NKD1: variants seen among roughly 807,000 people sequenced by gnomAD.
NKD1 encodes NKD inhibitor of Wnt signaling pathway 1, also known as protein naked cuticle homolog 1.
In NKD1, 21 loss-of-function variants were observed where a neutral mutation model predicts 56.0. That is an observed-to-expected ratio of 0.38 (90% CI 0.27 to 0.54). The LOEUF is 0.54. Among genes scored for constraint, NKD1 ranks in the 20% least tolerant of loss-of-function variants. The pLI is 0.82. For missense variants in NKD1, 578 were observed against 642.7 expected, an observed-to-expected ratio of 0.90 and a Z score of 1.09; for synonymous variants, 263 against 265.7, an observed-to-expected ratio of 0.99 and a Z score of 0.10.
At chr16:50,568,514 T>A (rs1596710978) in intron 3 of NKD1, among the ~76,000 whole-genome samples, 1 of 152,212 alleles carries the variant, frequency 6.6e-6, no homozygotes, top group African/African-American at 2.4e-5. Context: ...TGTCAAGCGC[T>A]TCCTCATTTA....
chr16:50,612,867 C>T (rs1961877682), intron 4 of NKD1, among the ~76,000 whole-genome samples: 1 of 152,146 alleles, frequency 6.6e-6, no homozygotes. Flanking sequence ...TGGATTCTGA[C>T]CTCTGTTTTA....
At chr16:50,608,131 A>G (rs1961755236) in intron 3 of NKD1, 163 bp from the exon 4 acceptor site, 2 of 659,946 alleles carry the variant, frequency 3.0e-6, no homozygotes, top group South Asian at 3.3e-5. Context: ...GGCAGGAGGG[A>G]CCCACCTTGG....
chr16:50,549,598 G>T, intron 3 of NKD1, 43 bp downstream of exon 3: 1 of 1,516,280 alleles, frequency 6.6e-7, no homozygotes. Flanking sequence ...CCTCCTTTCA[G>T]CCTCAGAGAT....
chr16:50,555,764 A>C (rs570441100), intron 3 of NKD1: 2 of 152,162 alleles, frequency 1.3e-5, no homozygotes, highest in Non-Finnish European at 2.9e-5. Flanking sequence ...CTGCAGCCCC[A>C]TGGCTGCGAA....
chr16:50,608,017 G>A, intron 3 of NKD1: 2 of 445,248 alleles, frequency 4.5e-6, no homozygotes, highest in South Asian at 5.1e-5. Context: ...GTTTCCGGAA[G>A]GCATGTGTGT....
At chr16:50,572,758 C>T (rs112891141) in intron 3 of NKD1, among the ~76,000 whole-genome samples, 291 of 152,226 alleles carry the variant, frequency 1.9e-3, no homozygotes, top group African/African-American at 6.4e-3. Context: ...GCACGGTGTC[C>T]GGGCTTGAGC....
chr16:50,591,818 G>A (rs1219706039), intron 3 of NKD1, among the ~76,000 whole-genome samples: 9 of 152,220 alleles, frequency 5.9e-5, no homozygotes, highest in African/African-American at 1.2e-4. Context: ...GTGCGAGCCA[G>A]GGAGCTGGTG....
At chr16:50,555,300 G>C (rs1350111448) in intron 3 of NKD1, 2 of 152,540 alleles carry the variant, frequency 1.3e-5, no homozygotes, top group Admixed American at 1.3e-4. Flanking sequence ...ACTGGAAGTG[G>C]TTCCTGGCAC....
Position 50,638,633 on chromosome 16 carries a change from CTCA to C in NKD1, c.*4858_*4860del, listed in dbSNP as rs1400135896. The C allele has an allele frequency of 6.6e-6, 1 of 152,264 alleles. No homozygotes were observed. The highest frequency in any genetic ancestry group is 1.9e-4 in the East Asian group (1 of 5,202). 9.4% of individuals were successfully genotyped at this position (152,264 alleles called of 1,614,324 possible). ...GTGGGGCTCTGATCTGATGTTCGGT[CTCA>C]TCATCTCCCAAACCAGCAGTCGTTT... is the stretch of plus-strand genomic sequence containing the variant. On this transcript the variant is annotated 3_prime_UTR_variant, in exon 10 of 10. Transcript: ENST00000268459.
Position 50,575,201 on chromosome 16 carries a change from TG to T in NKD1, c.192+25647del, listed in dbSNP as rs1175949704. 3.0e-6 allele frequency: 3 copies of T among 985,392 alleles called. No homozygotes were observed. In the African/African-American group the frequency reaches 5.2e-5, roughly 17 times the overall value. The allele number at this position is 985,392 out of a possible 1,614,324, so 61.0% of individuals were successfully genotyped here. A position where few individuals can be genotyped will look rare whatever the true frequency, so the allele number is the denominator to read the frequency against. On this transcript the variant is annotated intron_variant, in intron 3 of 9. Coordinates refer to ENST00000268459, the MANE Select transcript of NKD1 (RefSeq NM_033119.5). Reference sequence around the variant, plus strand: ...ATTTTCGCTGGAAGGAAAGGAAACTTGCTCAGATCAAGTTCTTTAACTAGGG... The same window carrying T: ...ATTTTCGCTGGAAGGAAAGGAAACTTCTCAGATCAAGTTCTTTAACTAGGG...
At chr16:50,563,780 C>T (rs1300443110) in intron 3 of NKD1, among the ~76,000 whole-genome samples, 2 of 144,008 alleles carry the variant, frequency 1.4e-5, no homozygotes, top group Admixed American at 6.8e-5. Flanking sequence ...GTGGGCACAG[C>T]CCTGGATGCA....
chr16:50,579,304 G>A (rs113736127), intron 3 of NKD1, among the ~76,000 whole-genome samples: 3 of 135,940 alleles, frequency 2.2e-5, no homozygotes, highest in South Asian at 2.4e-4. Flanking sequence ...TTACTCCTGC[G>A]GGCTACCCGC....
At chr16:50,618,808 C>G (rs1338277108) in intron 4 of NKD1, among the ~76,000 whole-genome samples, 2 of 152,064 alleles carry the variant, frequency 1.3e-5, no homozygotes, top group Non-Finnish European at 2.9e-5. Flanking sequence ...GATGAGGGAG[C>G]CACTGGTGAA....
At chr16:50,563,932 G>A (rs1960700542) in intron 3 of NKD1, among the ~76,000 whole-genome samples, 1 of 150,322 alleles carries the variant, frequency 6.7e-6, no homozygotes, top group African/African-American at 2.5e-5. Context: ...CTGTGTGTCA[G>A]GCTAAACTCC....
chr16:50,612,821 G>A (rs775584629), intron 4 of NKD1, among the ~76,000 whole-genome samples: 25 of 152,332 alleles, frequency 1.6e-4, no homozygotes, highest in Middle Eastern at 6.8e-3. Flanking sequence ...CCCTTAGGTT[G>A]CGTGGTTCTG....
At chr16:50,556,707 C>A (rs1351607190) in intron 3 of NKD1, 1 of 148,064 alleles carries the variant, frequency 6.8e-6, no homozygotes, top group Non-Finnish European at 1.5e-5. Flanking sequence ...TGAGTGCATT[C>A]ATTCATGCAT....
At chr16:50,608,453 G>T (rs73571947) in intron 4 of NKD1, 93 bp downstream of exon 4, 24,915 of 884,848 alleles carry the variant, frequency 0.028, 939 homozygotes, top group African/African-American at 0.15. Context: ...CAGAAAATCT[G>T]CAGATGGAGG....
intron 6 of NKD1, among the ~76,000 whole-genome samples, chr16:50,629,978 A>C (rs1826675508): frequency 6.6e-6 from 1 of 151,676 alleles, no homozygotes; most frequent in African/African-American, 2.4e-5. Flanking sequence ...CTCTTATGGG[A>C]TTTTCCTGTT....
intron 3 of NKD1, among the ~76,000 whole-genome samples, chr16:50,551,395 T>C (rs1319766455): frequency 6.6e-6 from 1 of 152,164 alleles, no homozygotes; most frequent in Non-Finnish European, 1.5e-5. Context: ...AGGTCATTAA[T>C]GTTTGTTCAA....
Sources: gnomAD v4.1 joint callset for allele counts (sites outside exome capture counted in the v4.1 genomes callset) on GRCh38, gnomAD v4.1.1 for gene constraint, MANE v1.5 for transcripts, NCBI Gene and HGNC (gene_info 2026-07-23, HGNC 2026-07-21) for gene names.